GRM4: variants seen among roughly 807,000 people sequenced by gnomAD.
The protein encoded by GRM4 is metabotropic glutamate receptor 4.
GRM4 carries 28 observed loss-of-function variants against 81.7 expected under a neutral mutation model. That is an observed-to-expected ratio of 0.34 (90% CI 0.25 to 0.47). The LOEUF (loss-of-function observed/expected upper bound fraction) is 0.47. Among genes scored for constraint, GRM4 ranks in the 20% least tolerant of loss-of-function variants. The pLI is 1.00. For synonymous variants in GRM4, 488 were observed against 528.8 expected, an observed-to-expected ratio of 0.92 and a Z score of 1.06; for missense variants, 948 against 1,290.0, an observed-to-expected ratio of 0.73 and a Z score of 4.06.
chr6:34,049,558 G>A (rs971444569), intron 6 of GRM4, among the ~76,000 whole-genome samples: 7 of 151,896 alleles, frequency 4.6e-5, no homozygotes, highest in African/African-American at 1.7e-4. Context: ...TGACTCCAGC[G>A]CCTACTCCAC....
chr6:34,105,390 G>A (rs1769069486), intron 2 of GRM4, among the ~76,000 whole-genome samples: 1 of 152,138 alleles, frequency 6.6e-6, no homozygotes, highest in Non-Finnish European at 1.5e-5. Flanking sequence ...AGCTGTGGCT[G>A]GGGATGCTCA....
At position 34,035,779 on chromosome 6, in the gene GRM4, C is replaced by A. The variant is rs777502409; in HGVS notation, c.2331G>T (p.Val777=). 6.2e-6 allele frequency: 10 copies of A among 1,613,540 alleles called. No homozygotes were observed. The Admixed American group carries it at 1.0e-4, about 16-fold the overall frequency. Residue 777 remains valine (V), a synonymous_variant, in exon 9 of 11, where the codon GTG becomes GTT. Transcript: ENST00000538487. The surrounding 1 kb of genome is among the most constrained non-coding windows in gnomAD (Gnocchi z 6.6). ...GCTTGGCCTCATTGAAGGTCTCGGG[C>A]ACGCCGCGTGTCTTGATGGCATACA... ...CTVYAIKTRG[V]PETFNEAKPI... is the part of the protein sequence containing the mutation.
In GRM4 at chr6:34,035,204, C is replaced by T. The variant is rs1363037401; in HGVS notation, c.2442+464G>A. 1.3e-5 allele frequency among the ~76,000 whole-genome samples: 2 copies of T among 149,800 alleles called. No homozygotes were observed. Among genetic ancestry groups the T allele is most frequent in the Non-Finnish European group, 3.0e-5 (2 of 67,674 alleles). ...GAATGAAGAGTGAAGGAGGGTACAG[C>T]GCTCCAGGCTTATGGAGGGGGGAAG... On this transcript the variant is annotated intron_variant, in intron 9 of 10. Coordinates refer to ENST00000538487, the MANE Select transcript of GRM4 (RefSeq NM_000841.4). The surrounding 1 kb of genome is among the most constrained non-coding windows in gnomAD (Gnocchi z 6.6).
chr6:34,154,803 A>T (rs770992018), intron 1 of GRM4, among the ~76,000 whole-genome samples: 123 of 152,204 alleles, frequency 8.1e-4, no homozygotes, highest in Admixed American at 1.3e-3. Context: ...ATGGAGGGCC[A>T]GTTCAGCCAC....
chr6:34,122,208 C>T (rs1769838776), intron 2 of GRM4, among the ~76,000 whole-genome samples: 2 of 151,788 alleles, frequency 1.3e-5, no homozygotes, highest in South Asian at 4.2e-4. Context: ...CACTCTCTCT[C>T]TGTGCTTGGG....
At position 34,056,538 on chromosome 6, in the gene GRM4, G is replaced by A. The variant is rs1765904512; in HGVS notation, c.1168+6C>T. The stretch of plus-strand genomic sequence containing the variant: ...CCGCCCGGCCCTGCCCGGCCCGCGT[G>A]CTCACTGGTGCACTTCTTGACGTGG... On this transcript the variant is annotated splice_donor_region_variant and intron_variant, in intron 6 of 10. Coordinates refer to ENST00000538487, the MANE Select transcript of GRM4 (RefSeq NM_000841.4). The A allele has an allele frequency of 1.2e-6, 2 of 1,611,158 alleles. No homozygotes were observed. Among genetic ancestry groups the A allele is most frequent in the South Asian group, 1.1e-5 (1 of 90,866 alleles).
rs547604835 is a variant in GRM4 at position 34,114,018 on chromosome 6, A to G, written c.519+18960T>C. Among the ~76,000 whole-genome samples, 2 of 152,016 alleles carry G rather than the reference A, an allele frequency of 1.3e-5. No homozygotes were observed. Among genetic ancestry groups the G allele is most frequent in the East Asian group, 1.9e-4 (1 of 5,162 alleles). ...ACTGGCTGTGCCTGCCACCCAAAAC[A>G]CCACCCAGCCACCTGGCTGCCTTCC... On this transcript the variant is annotated intron_variant, in intron 2 of 10. Transcript: ENST00000538487. The surrounding 1 kb of genome is among the most constrained non-coding windows in gnomAD (Gnocchi z 4.3).
In GRM4 at chr6:34,090,392, A is replaced by G. The variant is rs1489387523; in HGVS notation, c.736+1491T>C. ...CAGAGCAGAGTGGGAGGTGCTGTCC[A>G]GAGGTAGGTGCCCAGGTCTTGGGTC... On this transcript the variant is annotated intron_variant, in intron 3 of 10. Coordinates refer to ENST00000538487, the MANE Select transcript of GRM4 (RefSeq NM_000841.4). This position sits in a 1 kb window ranked among gnomAD's most constrained non-coding sequence, Gnocchi z 5.2. Among the ~76,000 whole-genome samples, 3 of 152,180 alleles carry G rather than the reference A, an allele frequency of 2.0e-5. No individual in the cohort carries two copies. Among genetic ancestry groups the G allele is most frequent in the African/African-American group, 7.2e-5 (3 of 41,440 alleles).
chr6:34,147,906 G>C (rs1690693499), upstream of GRM4, among the ~76,000 whole-genome samples: 1 of 151,538 alleles, frequency 6.6e-6, no homozygotes, highest in South Asian at 2.1e-4. Context: ...TTTGTTGAAT[G>C]AATGAATGAA....
Position 34,064,700 on chromosome 6 carries a change from G to A in GRM4, c.737-2672C>T, listed in dbSNP as rs1174286082. On this transcript the variant is annotated intron_variant, in intron 3 of 10. Transcript: ENST00000538487. This position sits in a 1 kb window ranked among gnomAD's most constrained non-coding sequence, Gnocchi z 4.4. Reference sequence around the variant, plus strand: ...CTCTCCTGGGATGACACAAGCTCCTGGCAGTGGCACAATCTCTGCCTCAAC... The same window carrying A: ...CTCTCCTGGGATGACACAAGCTCCTAGCAGTGGCACAATCTCTGCCTCAAC... Among the ~76,000 whole-genome samples, 1 of 152,182 alleles carries A rather than the reference G, an allele frequency of 6.6e-6. No homozygotes were observed. The highest frequency in any genetic ancestry group is 6.5e-5 in the Admixed American group (1 of 15,286).
chr6:34,065,529 G>A (rs1766411691), intron 3 of GRM4, among the ~76,000 whole-genome samples: 1 of 152,178 alleles, frequency 6.6e-6, no homozygotes, highest in East Asian at 1.9e-4. Context: ...CGGGGAGGGG[G>A]ACACACATGA....
rs71000021 is a variant in GRM4 at position 34,069,167 on chromosome 6, T to TACACAC, written c.737-7145_737-7140dup. ...CTACCCCTGGACCCTCATGGGCGTA[T>TACACAC]ACACACACACACACACACACACACA... On this transcript the variant is annotated intron_variant, in intron 3 of 10. Transcript: ENST00000538487. The surrounding 1 kb of genome is among the most constrained non-coding windows in gnomAD (Gnocchi z 6.4). 0.016 allele frequency among the ~76,000 whole-genome samples: 2,197 copies of TACACAC among 134,654 alleles called. 29 individuals are homozygous for TACACAC. Among genetic ancestry groups the TACACAC allele is most frequent in the African/African-American group, 0.038 (1,296 of 33,782 alleles). 88.3% of individuals were successfully genotyped at this position (134,654 alleles called of 152,430 possible).
chr6:34,056,467 C>T (rs1229956744), intron 6 of GRM4, 77 bp downstream of exon 6: 5 of 1,320,160 alleles, frequency 3.8e-6, no homozygotes, highest in African/African-American at 1.5e-5. Context: ...GGGAGACTCT[C>T]GGCCTCAGGC....
Position 34,092,145 on chromosome 6 carries a change from C to T in GRM4, c.520-46G>A. On this transcript the variant is annotated intron_variant, in intron 2 of 10. Transcript: ENST00000538487. This position sits in a 1 kb window ranked among gnomAD's most constrained non-coding sequence, Gnocchi z 6.8. ...CTGAGGGTGGCGACTGGCTCCCCACCCTGCCTAGCCAGCCCCATTCCCCTA... is the reference window on the plus strand; with the variant it reads ...CTGAGGGTGGCGACTGGCTCCCCACTCTGCCTAGCCAGCCCCATTCCCCTA... The T allele has an allele frequency of 7.5e-7, 1 of 1,333,210 alleles. No individual in the cohort carries two copies. Among genetic ancestry groups the T allele is most frequent in the Middle Eastern group, 1.9e-4 (1 of 5,296 alleles). The allele number at this position is 1,333,210 out of a possible 1,614,324, so 82.6% of individuals were successfully genotyped here.
chr6:34,056,778 CG>C lies in GRM4; in HGVS notation c.1028-95del. On this transcript the variant is annotated intron_variant, in intron 5 of 10. Transcript: ENST00000538487. Reference sequence around the variant, plus strand: ...CCCCCAGGATAAGAGATGGTCCAGGCGGAGGGAGAGAGACCAGGAGGAGCAC... The same window carrying C: ...CCCCCAGGATAAGAGATGGTCCAGGCGAGGGAGAGAGACCAGGAGGAGCAC... 3.6e-6 allele frequency: 5 copies of C among 1,389,130 alleles called. No homozygotes were observed. In the South Asian group the frequency reaches 6.8e-5, roughly 19 times the overall value. The allele number at this position is 1,389,130 out of a possible 1,614,324, so 86.1% of individuals were successfully genotyped here. A position where few individuals can be genotyped will look rare whatever the true frequency, so the allele number is the denominator to read the frequency against.
At chr6:34,126,299 T>C (rs1243546185) in intron 2 of GRM4, among the ~76,000 whole-genome samples, 1 of 152,202 alleles carries the variant, frequency 6.6e-6, no homozygotes, top group Non-Finnish European at 1.5e-5. Context: ...ACTGTATACC[T>C]GCCCCTGGGG....
chr6:34,043,311 C>T (rs1477596958), intron 6 of GRM4, among the ~76,000 whole-genome samples: 4 of 152,116 alleles, frequency 2.6e-5, no homozygotes, highest in African/African-American at 7.2e-5. Context: ...CACAAGGTCA[C>T]GAGGGCCTAG....
rs1770195289 is a variant in GRM4 at position 34,130,567 on chromosome 6, T to TAGCACAGC, written c.519+2403_519+2410dup. On this transcript the variant is annotated intron_variant, in intron 2 of 10. Coordinates refer to ENST00000538487, the MANE Select transcript of GRM4 (RefSeq NM_000841.4). This position sits in a 1 kb window ranked among gnomAD's most constrained non-coding sequence, Gnocchi z 4.1. ...GGCCCTTCCCCATGCTGGGAGAGGT[T>TAGCACAGC]AGCACAGCAGCTGCAGCCCACTCCC... Among the ~76,000 whole-genome samples, 1 of 152,160 alleles carries TAGCACAGC rather than the reference T, an allele frequency of 6.6e-6. No individual in the cohort carries two copies. The highest frequency in any genetic ancestry group is 1.5e-5 in the Non-Finnish European group (1 of 68,026).
rs1767444615 is a variant in GRM4, at chr6:34,078,789, A to G, written c.736+13094T>C. Among the ~76,000 whole-genome samples the G allele has an allele frequency of 6.6e-6, 1 of 152,124 alleles. No homozygotes were observed. Among genetic ancestry groups the G allele is most frequent in the Non-Finnish European group, 1.5e-5 (1 of 68,030 alleles). On this transcript the variant is annotated intron_variant, in intron 3 of 10. Coordinates refer to ENST00000538487, the MANE Select transcript of GRM4 (RefSeq NM_000841.4). The surrounding 1 kb of genome is among the most constrained non-coding windows in gnomAD (Gnocchi z 4.8). ...ATCCCAAGGCCTCCCTGGGGCCCCA[A>G]GCCGTCTGCAAGAGTCGTTAGCTTT...
Sources: allele counts gnomAD v4.1 joint callset (sites outside exome capture counted in the v4.1 genomes callset), GRCh38; gene constraint gnomAD v4.1.1; non-coding constraint Gnocchi (gnomAD v3.1); transcripts MANE v1.5; gene names NCBI Gene and HGNC (gene_info 2026-07-23, HGNC 2026-07-21).